ABCA9: variants seen among roughly 807,000 people sequenced by gnomAD.
ABCA9 encodes the protein ATP-binding cassette sub-family A member 9.
ABCA9 carries 183 observed loss-of-function variants against 205.3 expected under a neutral mutation model. The observed-to-expected ratio is 0.89, with a 90% CI of 0.79 to 1.01. The LOEUF (loss-of-function observed/expected upper bound fraction) is 1.01, where lower values mean the gene tolerates loss of function less well. Among genes scored for constraint, ABCA9 ranks in the 50% least tolerant of loss-of-function variants. The probability of loss-of-function intolerance (pLI) is 0.00; values close to 1 mark genes in which losing one functional copy is unlikely to be tolerated. For synonymous variants in ABCA9, 651 were observed against 683.3 expected (o/e 0.95, Z 0.74); for missense variants, 1,805 against 1,912.4 (o/e 0.94, Z 1.05).
At chr17:69,020,970 C>A (rs546248928) in intron 18 of ABCA9, among the ~76,000 whole-genome samples, 2 of 151,998 alleles carry the variant, frequency 1.3e-5, no homozygotes, top group African/African-American at 4.8e-5. Flanking sequence ...CCTTCAAGAA[C>A]ATAAAAATGG....
chr17:68,984,111 C>T lies in ABCA9; in HGVS notation c.4444G>A (p.Ala1482Thr). The change falls in exon 35 of 39, where the codon GCA becomes ACA. Residue 1482 changes from alanine (A) to threonine (T), a missense_variant. Physicochemically the swap from Ala to Thr is moderately conservative, Grantham distance 58. Transcript: ENST00000340001. ...RGALLTTHYM[A>T]EAEAVCDRVA... ...CGGTCACACACCGCCTCAGCCTCTG[C>T]CATGTAGTGGGTGGTCAGGAGGGCG... 6.2e-7 allele frequency: 1 copy of T among 1,614,166 alleles called. No individual in the cohort carries two copies. Among genetic ancestry groups the T allele is most frequent in the South Asian group, 1.1e-5 (1 of 91,086 alleles).
rs761623753 is a variant in ABCA9, at chr17:69,023,966, G to A, written c.2281+248C>T. Among the ~76,000 whole-genome samples, 5 of 151,534 alleles carry A rather than the reference G, an allele frequency of 3.3e-5. No individual in the cohort carries two copies. The highest frequency in any genetic ancestry group is 7.3e-5 in the African/African-American group (3 of 40,960). ...TTATTTTATCTTGCTGCTAGCCTAC[G>A]CCTCTTAATTGCACTTAATTGACTT... is the stretch of plus-strand genomic sequence containing the variant. On this transcript the variant is annotated intron_variant, in intron 17 of 38. Transcript: ENST00000340001. This position sits in a 1 kb window ranked among gnomAD's most constrained non-coding sequence, Gnocchi z 4.2.
chr17:69,013,599 T>C (rs2070466100), intron 22 of ABCA9, among the ~76,000 whole-genome samples: 1 of 152,104 alleles, frequency 6.6e-6, no homozygotes, highest in Non-Finnish European at 1.5e-5. Flanking sequence ...ACTGGGTTCA[T>C]AAATGACATA....
At position 69,018,522 on chromosome 17, in the gene ABCA9, C is replaced by G. The variant is rs201467703; in HGVS notation, c.2658G>C (p.Glu886Asp). 33 of 1,607,446 alleles carry G rather than the reference C, an allele frequency of 2.1e-5. No individual in the cohort carries two copies. The highest frequency in any genetic ancestry group is 2.7e-5 in the Non-Finnish European group (32 of 1,177,294). ...CCCACGGGTAACTTTTCTGATATGA[C>G]TCGTAGAATAGATGTTCCAAAAGTT... is the stretch of plus-strand genomic sequence containing the variant. ...IPQLLEHLFY[E>D]SYQKSYPWEL... Residue 886 changes from glutamate to aspartate, a missense_variant, in exon 20 of 39, where the codon GAG becomes GAC. Transcript: ENST00000340001.
intron 25 of ABCA9, among the ~76,000 whole-genome samples, chr17:68,998,045 T>A (rs1226388490): frequency 1.3e-5 from 2 of 152,198 alleles, no homozygotes; most frequent in Non-Finnish European, 2.9e-5. Context: ...GTGTGTAGAC[T>A]TTTCAGATTG....
intron 37 of ABCA9, among the ~76,000 whole-genome samples, chr17:68,978,947 C>T (rs1296801008): frequency 6.6e-6 from 1 of 151,902 alleles, no homozygotes; most frequent in Non-Finnish European, 1.5e-5. Context: ...GGCAATCAGG[C>T]AGGAGAAGGA....
intron 31 of ABCA9, among the ~76,000 whole-genome samples, chr17:68,988,394 A>G (rs1208980323): frequency 2.0e-5 from 3 of 151,966 alleles, no homozygotes; most frequent in Non-Finnish European, 4.4e-5. Context: ...TGGATCTTTT[A>G]CCATTAGCCC....
Position 69,007,764 on chromosome 17 carries a change from A to G in ABCA9, c.3430T>C (p.Leu1144=). The G allele has an allele frequency of 6.4e-7, 1 of 1,566,446 alleles. No individual in the cohort carries two copies. Among genetic ancestry groups the G allele is most frequent in the East Asian group, 2.2e-5 (1 of 44,502 alleles). The change falls in exon 25 of 39, where the codon TTA becomes CTA. Residue 1144 remains leucine (L), a synonymous_variant. Coordinates refer to ENST00000340001, the MANE Select transcript of ABCA9 (RefSeq NM_080283.4). ...KNSGIWSFFF[L]IVVIFSIVAT... is the part of the protein sequence containing the mutation. ...GGTAGTATATGCATACTCACAATTA[A>G]GAAGAAAAATGACCAAATGCCACTA... is the stretch of plus-strand genomic sequence containing the variant.
upstream of ABCA9, among the ~76,000 whole-genome samples, chr17:69,064,525 AC>A (rs1445600300): frequency 6.6e-6 from 1 of 152,316 alleles, no homozygotes; most frequent in East Asian, 1.9e-4. Flanking sequence ...CCAATGATTT[AC>A]CCAGGAAGCT....
upstream of ABCA9, chr17:69,061,063 C>T: frequency 1.0e-6 from 1 of 985,436 alleles, no homozygotes; most frequent in South Asian, 4.7e-5. Flanking sequence ...AAAATATCTT[C>T]TGCTCACGTG....
In ABCA9 at chr17:68,983,785, G is replaced by A. The variant is rs1004688113; in HGVS notation, c.4564C>T (p.Leu1522=). The A allele has an allele frequency of 4.3e-6, 7 of 1,614,086 alleles. No individual in the cohort carries two copies. Among genetic ancestry groups the A allele is most frequent in the Non-Finnish European group, 5.9e-6 (7 of 1,180,048 alleles). ...GGCTCCATTTGTGCCAGGTTCTTCA[G>A]CTTCATCTCCAGCAGGTAGTCTTTG... ...FGKDYLLEMK[L]KNLAQMEPLH... Residue 1522 remains leucine, a synonymous_variant, in exon 36 of 39, where the codon CTG becomes TTG. Transcript: ENST00000340001.
chr17:69,025,836 C>T (rs1474775830), intron 16 of ABCA9, among the ~76,000 whole-genome samples: 1 of 151,948 alleles, frequency 6.6e-6, no homozygotes, highest in African/African-American at 2.4e-5. Flanking sequence ...AGGGGAATAA[C>T]AATAGTATCT....
rs1391533441 is a variant in ABCA9 at position 69,045,354 on chromosome 17, CA to C, written c.305-19del. On this transcript the variant is annotated intron_variant, in intron 3 of 38. Transcript: ENST00000340001. ...TGTTCTTCCTGCCATGTGAAGAAAA[CA>C]AAAGAAATAGTTAAGCAAGAAAATC... 3 of 1,594,602 alleles carry C rather than the reference CA, an allele frequency of 1.9e-6. No individual in the cohort carries two copies. The highest frequency in any genetic ancestry group is 1.7e-6 in the Non-Finnish European group (2 of 1,169,906).
intron 6 of ABCA9, among the ~76,000 whole-genome samples, chr17:69,039,939 A>G (rs1415069685): frequency 6.6e-6 from 1 of 152,242 alleles, no homozygotes; most frequent in Non-Finnish European, 1.5e-5. Flanking sequence ...TATGCAGCCA[A>G]CAAACATATG....
At chr17:69,028,684 A>C (rs776789410) in intron 11 of ABCA9, 39 bp from the exon 12 acceptor site, 6 of 1,291,716 alleles carry the variant, frequency 4.6e-6, no homozygotes, top group Non-Finnish European at 5.4e-6. Flanking sequence ...CAGAGCCTAC[A>C]TATTAACTTT....
chr17:68,992,130 A>G, intron 28 of ABCA9, 45 bp downstream of exon 28: 4 of 1,352,146 alleles, frequency 3.0e-6, no homozygotes, highest in Middle Eastern at 3.7e-4. Context: ...TCCTTAAAGA[A>G]TGAATATCAA....
At chr17:69,026,880 G>A in intron 15 of ABCA9, 96 bp downstream of exon 15, 2 of 1,439,106 alleles carry the variant, frequency 1.4e-6, no homozygotes, top group Non-Finnish European at 1.9e-6. Context: ...TTGGGCCATG[G>A]CAGTTCCAGG....
At chr17:69,034,006 CTAT>C in intron 8 of ABCA9, 133 bp from the exon 9 acceptor site, 2 of 695,740 alleles carry the variant, frequency 2.9e-6, no homozygotes, top group Non-Finnish European at 4.6e-6. Flanking sequence ...GCTCTGTCTA[CTAT>C]TATAGAAGAC....
intron 26 of ABCA9, among the ~76,000 whole-genome samples, chr17:68,994,898 C>A (rs1033645253): frequency 3.3e-5 from 5 of 152,152 alleles, no homozygotes; most frequent in African/African-American, 9.7e-5. Flanking sequence ...TCCTTCTTAG[C>A]ACAGACAAAA....
Sources: allele counts gnomAD v4.1 joint callset (sites outside exome capture counted in the v4.1 genomes callset), GRCh38; gene constraint gnomAD v4.1.1; non-coding constraint Gnocchi (gnomAD v3.1); transcripts MANE v1.5; gene names NCBI Gene and HGNC (gene_info 2026-07-23, HGNC 2026-07-21).